L3MBTL1: variants seen among roughly 807,000 people sequenced by gnomAD.
The protein encoded by L3MBTL1 is L3MBTL histone methyl-lysine binding protein 1.
A neutral mutation model predicts 105.3 loss-of-function variants in L3MBTL1; 75 were observed. The ratio of observed to expected loss-of-function variants is 0.71; its 90% CI spans 0.59 to 0.86. L3MBTL1 has a LOEUF of 0.86. Among genes scored for constraint, L3MBTL1 ranks in the 40% least tolerant of loss-of-function variants. The pLI is 0.00. For synonymous variants in L3MBTL1, 452 were observed against 436.2 expected (o/e 1.04, Z -0.45); for missense variants, 1,069 against 1,126.4 (o/e 0.95, Z 0.73).
chr20:43,541,729 G>T lies in L3MBTL1; in HGVS notation c.*601G>T, dbSNP rs1342807046. 1.3e-6 allele frequency: 1 copy of T among 794,830 alleles called. No homozygotes were observed. The highest frequency in any genetic ancestry group is 1.9e-5 in the African/African-American group (1 of 53,308). 49.2% of individuals were successfully genotyped at this position (794,830 alleles called of 1,614,324 possible). A position where few individuals can be genotyped will look rare whatever the true frequency, so the allele number is the denominator to read the frequency against. On this transcript the variant is annotated 3_prime_UTR_variant, in exon 22 of 22. Coordinates refer to ENST00000418998, the MANE Select transcript of L3MBTL1 (RefSeq NM_001377303.1). Reference sequence around the variant, plus strand: ...TCCACTATAATCTTATGGGACCATGGTTTTAAATGTGGAATCATTGACAGA... The same window carrying T: ...TCCACTATAATCTTATGGGACCATGTTTTTAAATGTGGAATCATTGACAGA...
chr20:43,528,532 G>C, intron 7 of L3MBTL1, 125 bp from the exon 8 acceptor site: 1 of 700,170 alleles, frequency 1.4e-6, no homozygotes, highest in Non-Finnish European at 2.6e-6. Flanking sequence ...TGGGACCAGA[G>C]GGTACATGTG....
chr20:43,516,170 C>T lies in L3MBTL1; in HGVS notation c.855C>T (p.Ser285=), dbSNP rs2018380233. Reference sequence around the variant, plus strand: ...CAGAGAGTGAGGAGTGGAGCAGCAGCCAGCCTGGTACGGTGGCTTGTGTGT... The same window carrying T: ...CAGAGAGTGAGGAGTGGAGCAGCAGTCAGCCTGGTACGGTGGCTTGTGTGT... ...STPESEEWSS[S]QPATGEKKEC... Residue 285 remains serine, a synonymous_variant, in exon 7 of 22, where the codon AGC becomes AGT. Coordinates refer to ENST00000418998, the MANE Select transcript of L3MBTL1 (RefSeq NM_001377303.1). 6.2e-7 allele frequency: 1 copy of T among 1,613,450 alleles called. No individual in the cohort carries two copies. The highest frequency in any genetic ancestry group is 8.5e-7 in the Non-Finnish European group (1 of 1,179,458).
rs766319498 is a variant in L3MBTL1, at chr20:43,514,046, A to AG, written c.350dup (p.Gly118ArgfsTer10). The AG allele has an allele frequency of 3.5e-4, 534 of 1,533,926 alleles. No individual in the cohort carries two copies. The highest frequency in any genetic ancestry group is 1.1e-3 in the East Asian group (43 of 40,864). ...GGACAGAGGCCGCGGCCCCGCCCCC[A>AG]GGGGGCGGCCTGCGGGTCAGTGTCT... On this transcript the variant is annotated frameshift_variant, in exon 3 of 22. Transcript: ENST00000418998. LOFTEE classifies it high-confidence loss of function.
chr20:43,511,449 T>C (rs913698152), intron 1 of L3MBTL1, among the ~76,000 whole-genome samples: 3 of 152,044 alleles, frequency 2.0e-5, no homozygotes, highest in African/African-American at 4.8e-5. Context: ...ATGAGACAGA[T>C]AGTGGTGGGA....
rs772772514 is a variant in L3MBTL1, at chr20:43,548,177, C to T, written c.2191C>T (p.Leu731=). Residue 731 remains leucine (L), a synonymous_variant, in exon 19 of 19, where the codon CTG becomes TTG. Coordinates refer to the L3MBTL1 transcript ENST00000422861. ...CATTGTGAAGATCATGAGCGTCAAG[C>T]TGGGCCCAGCCTTGAAGATCTATAA... is the stretch of plus-strand genomic sequence containing the variant. 3.8e-6 allele frequency: 5 copies of T among 1,304,430 alleles called. No individual in the cohort carries two copies. In the South Asian group the frequency reaches 6.2e-5, roughly 16 times the overall value. The allele number at this position is 1,304,430 out of a possible 1,614,324, so 80.8% of individuals were successfully genotyped here.
chr20:43,544,643 A>G (rs904499363), downstream of L3MBTL1, among the ~76,000 whole-genome samples: 12 of 152,310 alleles, frequency 7.9e-5, no homozygotes, highest in African/African-American at 2.9e-4. Flanking sequence ...ACAAGGAACC[A>G]TATACCAGTG....
Position 43,547,305 on chromosome 20 carries a change from T to C in L3MBTL1, c.2125-806T>C, listed in dbSNP as rs373444547. ...ATTTTTAGTAGAAGCGGGGTTTCACTGTGTTAGCCAGGATGGTCTCGATCT... is the reference window on the plus strand; with the variant it reads ...ATTTTTAGTAGAAGCGGGGTTTCACCGTGTTAGCCAGGATGGTCTCGATCT... On this transcript the variant is annotated intron_variant, in intron 18 of 18. Transcript: ENST00000422861. Among the ~76,000 whole-genome samples, 80 of 152,118 alleles carry C rather than the reference T, an allele frequency of 5.3e-4. No individual in the cohort carries two copies. In the East Asian group the frequency reaches 0.014, roughly 27 times the overall value.
chr20:43,515,477 T>A lies in L3MBTL1; in HGVS notation c.777+62T>A, dbSNP rs2018341823. On this transcript the variant is annotated intron_variant, in intron 6 of 21. Coordinates refer to ENST00000418998, the MANE Select transcript of L3MBTL1 (RefSeq NM_001377303.1). ...ATAGCCTATGCCTCAATTCCCACTG[T>A]CCCCTCCATCAATCCAGATTATGGA... is the stretch of plus-strand genomic sequence containing the variant. The A allele has an allele frequency of 2.0e-6, 3 of 1,516,708 alleles. No homozygotes were observed. The Admixed American group carries it at 6.1e-5, about 31-fold the overall frequency. 94.0% of individuals were successfully genotyped at this position (1,516,708 alleles called of 1,614,324 possible).
intron 7 of L3MBTL1, among the ~76,000 whole-genome samples, chr20:43,519,038 A>G (rs2018565169): frequency 6.6e-6 from 1 of 150,698 alleles, no homozygotes; most frequent in Non-Finnish European, 1.5e-5. Flanking sequence ...GGGGAAAAAA[A>G]AGAAAAAAAA....
rs2018215563 is a variant in L3MBTL1, at chr20:43,513,976, C to T, written c.275C>T (p.Ala92Val). Residue 92 changes from alanine to valine, a missense_variant, in exon 3 of 22, where the codon GCC (alanine) becomes GTC (valine). By Grantham distance (64) the Ala-to-Val change is moderately conservative. Coordinates refer to ENST00000418998, the MANE Select transcript of L3MBTL1 (RefSeq NM_001377303.1). ...GCCACCGTCCTGCCGCAGCTTAGCG[C>T]CGGGCCGGCCAGCTCCAGCACCAGC... Reference protein sequence around the residue: ...VSATVLPQLSAGPASSSTSTV... With the variant: ...VSATVLPQLSVGPASSSTSTV... 1 of 1,547,018 alleles carries T rather than the reference C, an allele frequency of 6.5e-7. No homozygotes were observed. Among genetic ancestry groups the T allele is most frequent in the Non-Finnish European group, 8.7e-7 (1 of 1,146,912 alleles).
chr20:43,516,038 G>A, intron 6 of L3MBTL1, 55 bp from the exon 7 acceptor site: 1 of 1,369,078 alleles, frequency 7.3e-7, no homozygotes. Flanking sequence ...CAGACCCTAG[G>A]GCTTCATCCC....
At chr20:43,522,139 G>A (rs1197262499) in intron 7 of L3MBTL1, among the ~76,000 whole-genome samples, 1 of 152,036 alleles carries the variant, frequency 6.6e-6, no homozygotes, top group African/African-American at 2.4e-5. Flanking sequence ...GGTGGATCAC[G>A]AGGTCAGGAG....
At chr20:43,529,497 G>A in intron 9 of L3MBTL1, 129 bp downstream of exon 9, 1 of 687,978 alleles carries the variant, frequency 1.5e-6, no homozygotes, top group Non-Finnish European at 2.6e-6. Flanking sequence ...GGATGAAGCT[G>A]GAATACATAG....
intron 7 of L3MBTL1, among the ~76,000 whole-genome samples, chr20:43,526,576 G>C (rs751218301): frequency 2.0e-5 from 3 of 152,360 alleles, no homozygotes; most frequent in Middle Eastern, 3.4e-3. Flanking sequence ...ATCCATTGAT[G>C]AACAAAATAT....
intron 7 of L3MBTL1, among the ~76,000 whole-genome samples, chr20:43,528,180 A>C (rs573581078): frequency 1.4e-4 from 21 of 152,298 alleles, no homozygotes; most frequent in African/African-American, 5.1e-4. Flanking sequence ...GGCGTGAGCT[A>C]CCATGCCCAG....
At chr20:43,539,107 G>A (rs1461466504) in intron 19 of L3MBTL1, 1 of 152,512 alleles carries the variant, frequency 6.6e-6, no homozygotes, top group Non-Finnish European at 1.5e-5. Context: ...GGCTTTGTGG[G>A]TGAATGGAGG....
chr20:43,518,314 A>G (rs1228117697), intron 7 of L3MBTL1, among the ~76,000 whole-genome samples: 1 of 152,086 alleles, frequency 6.6e-6, no homozygotes, highest in Admixed American at 6.5e-5. Context: ...TGTGGGAAGA[A>G]TCTATGTTTG....
At chr20:43,533,240 C>T in intron 12 of L3MBTL1, 102 bp from the exon 13 acceptor site, 2 of 1,039,692 alleles carry the variant, frequency 1.9e-6, no homozygotes, top group Non-Finnish European at 1.4e-6. Flanking sequence ...CTCCCTCTCA[C>T]TAAGAAGTAG....
exon 19 of L3MBTL1, chr20:43,548,899 G>A (rs756379069): frequency 6.6e-6 from 1 of 152,262 alleles, no homozygotes; most frequent in Non-Finnish European, 1.5e-5. Flanking sequence ...AGAATTGAGA[G>A]ATTTTGAGCC....
Sources: gnomAD v4.1 joint callset for allele counts (sites outside exome capture counted in the v4.1 genomes callset) on GRCh38, gnomAD v4.1.1 for gene constraint, MANE v1.5 for transcripts, NCBI Gene and HGNC (gene_info 2026-07-23, HGNC 2026-07-21) for gene names.